MAN1A1: variants seen among roughly 807,000 people sequenced by gnomAD.
MAN1A1 encodes the protein mannosidase alpha class 1A member 1.
A neutral mutation model predicts 70.8 loss-of-function variants in MAN1A1; 29 were observed. That is an observed-to-expected ratio of 0.41 (90% CI 0.31 to 0.56). MAN1A1 has a LOEUF of 0.56. MAN1A1 is among the 20% of genes least tolerant of loss of function. MAN1A1 has a pLI of 0.29. For synonymous variants in MAN1A1, 349 were observed against 330.1 expected (o/e 1.06, Z -0.62); for missense variants, 747 against 841.3 (o/e 0.89, Z 1.39).
chr6:119,298,811 T>C (rs1772301094), intron 4 of MAN1A1, among the ~76,000 whole-genome samples: 1 of 152,008 alleles, frequency 6.6e-6, no homozygotes, highest in Non-Finnish European at 1.5e-5. Context: ...TTAGCCAGGA[T>C]GGTCTTAATC....
At chr6:119,309,083 T>TA (rs1200593643) in intron 2 of MAN1A1, among the ~76,000 whole-genome samples, 3 of 152,172 alleles carry the variant, frequency 2.0e-5, no homozygotes. Context: ...TTCTATGAGT[T>TA]AAAGTTAGAA....
At chr6:119,331,335 G>A (rs2114493132) in intron 2 of MAN1A1, among the ~76,000 whole-genome samples, 1 of 151,906 alleles carries the variant, frequency 6.6e-6, no homozygotes, top group East Asian at 1.9e-4. Flanking sequence ...ACACTTTATA[G>A]AATCTCTTGC....
rs981816617 is a variant in MAN1A1, at chr6:119,330,915, G to GGTAC, written c.603+17544_603+17547dup. On this transcript the variant is annotated intron_variant, in intron 2 of 12. Coordinates refer to ENST00000368468, the MANE Select transcript of MAN1A1 (RefSeq NM_005907.4). ...CATAGTAACTCTAGGCCCCTCCCAG[G>GGTAC]GTACTTGTCACAGGGCCTCCTTACT... Among the ~76,000 whole-genome samples, 8 of 152,132 alleles carry GGTAC rather than the reference G, an allele frequency of 5.3e-5. 1 individual carries two copies. The highest frequency in any genetic ancestry group is 3.3e-4 in the Admixed American group (5 of 15,286).
chr6:119,306,454 A>G (rs1354264829), intron 3 of MAN1A1, among the ~76,000 whole-genome samples: 1 of 152,204 alleles, frequency 6.6e-6, no homozygotes, highest in Admixed American at 6.6e-5. Context: ...CAAACAGGAG[A>G]AACCTATAGC....
intron 2 of MAN1A1, among the ~76,000 whole-genome samples, chr6:119,313,007 C>T (rs1772752937): frequency 6.6e-6 from 1 of 152,144 alleles, no homozygotes; most frequent in South Asian, 2.1e-4. Context: ...TCCACTCACG[C>T]CACCTCCTCA....
At chr6:119,248,552 T>C (rs1434582452) in intron 5 of MAN1A1, among the ~76,000 whole-genome samples, 198 bp from the exon 6 acceptor site, 3 of 152,230 alleles carry the variant, frequency 2.0e-5, no homozygotes, top group Non-Finnish European at 2.9e-5. Flanking sequence ...CTGGGGGATA[T>C]TTATTCCCAA....
chr6:119,266,872 G>T (rs1039686863), intron 5 of MAN1A1, among the ~76,000 whole-genome samples: 8 of 152,076 alleles, frequency 5.3e-5, no homozygotes, highest in African/African-American at 1.9e-4. Flanking sequence ...ATTATACAAA[G>T]AACTCTTCAA....
chr6:119,246,101 T>C (rs965747694), intron 6 of MAN1A1, among the ~76,000 whole-genome samples: 2 of 152,214 alleles, frequency 1.3e-5, no homozygotes, highest in Non-Finnish European at 2.9e-5. Flanking sequence ...ATAGTATATT[T>C]TGAATTCCAA....
chr6:119,343,393 T>G (rs192623746), intron 2 of MAN1A1, among the ~76,000 whole-genome samples: 3 of 152,298 alleles, frequency 2.0e-5, no homozygotes, highest in Admixed American at 2.0e-4. Context: ...CTTTGTGTCT[T>G]GGTTGCCTCT....
intron 6 of MAN1A1, among the ~76,000 whole-genome samples, chr6:119,236,428 C>T (rs879901973): frequency 1.3e-5 from 2 of 152,216 alleles, no homozygotes; most frequent in East Asian, 1.9e-4. Context: ...TAATTTTGAG[C>T]TGGGTGTGGT....
Position 119,193,912 on chromosome 6 carries a change from A to T in MAN1A1, c.1211-20T>A. ...CATGATCTGGAAAGAGAGGGAAATG[A>T]ATTTTAGAGTGATTCAGCTTTTAAT... On this transcript the variant is annotated intron_variant, in intron 8 of 12. Transcript: ENST00000368468. 7 of 1,482,752 alleles carry T rather than the reference A, an allele frequency of 4.7e-6. No homozygotes were observed. Among genetic ancestry groups the T allele is most frequent in the Non-Finnish European group, 6.6e-6 (7 of 1,063,424 alleles). The allele number at this position is 1,482,752 out of a possible 1,614,324, so 91.8% of individuals were successfully genotyped here. A position where few individuals can be genotyped will look rare whatever the true frequency, so the allele number is the denominator to read the frequency against.
At chr6:119,268,006 C>A (rs56926474) in intron 5 of MAN1A1, among the ~76,000 whole-genome samples, 8,113 of 152,146 alleles carry the variant, frequency 0.053, 294 homozygotes, top group African/African-American at 0.096. Context: ...AGACTTGATG[C>A]CTTTGGCAAG....
intron 5 of MAN1A1, among the ~76,000 whole-genome samples, chr6:119,250,301 G>C (rs1446681328): frequency 6.6e-6 from 1 of 152,184 alleles, no homozygotes; most frequent in Admixed American, 6.5e-5. Flanking sequence ...CACCAAGTTG[G>C]ATATAACCAT....
chr6:119,350,473 C>A, upstream of MAN1A1: 1 of 969,174 alleles, frequency 1.0e-6, no homozygotes, highest in African/African-American at 1.8e-5. Flanking sequence ...AAACAAAAAA[C>A]CGAAAAAACT....
At chr6:119,236,921 G>C (rs375116446) in intron 6 of MAN1A1, among the ~76,000 whole-genome samples, 13 of 152,220 alleles carry the variant, frequency 8.5e-5, no homozygotes, top group African/African-American at 2.9e-4. Flanking sequence ...ACATTAACAG[G>C]AGTTTGGAAG....
At chr6:119,290,580 T>G in intron 5 of MAN1A1, 103 bp downstream of exon 5, 1 of 740,830 alleles carries the variant, frequency 1.3e-6, no homozygotes, top group Non-Finnish European at 2.2e-6. Flanking sequence ...ATATAAAAAT[T>G]CCATAGATTC....
At position 119,349,609 on chromosome 6, in the gene MAN1A1, T is replaced by G. The variant is rs1773846063; in HGVS notation, c.-290A>C. ...CTTCGCCCGCTCCCCATCTCCGCGC[T>G]GAGACTGCTGCCTCTTTCCTAGGCT... On this transcript the variant is annotated 5_prime_UTR_variant, in exon 1 of 13. Transcript: ENST00000368468. The G allele has an allele frequency of 1.0e-6, 1 of 985,786 alleles. No individual in the cohort carries two copies. Among genetic ancestry groups the G allele is most frequent in the African/African-American group, 1.7e-5 (1 of 57,218 alleles). 61.1% of individuals were successfully genotyped at this position (985,786 alleles called of 1,614,324 possible). A position where few individuals can be genotyped will look rare whatever the true frequency, so the allele number is the denominator to read the frequency against.
At chr6:119,266,511 G>A (rs1775757993) in intron 5 of MAN1A1, among the ~76,000 whole-genome samples, 1 of 150,108 alleles carries the variant, frequency 6.7e-6, no homozygotes, top group Admixed American at 6.7e-5. Context: ...AAATGGTGCT[G>A]GAAAAACTAG....
intron 2 of MAN1A1, among the ~76,000 whole-genome samples, chr6:119,319,386 T>TC (rs1562240872): frequency 0.014 from 2,025 of 149,664 alleles, 49 homozygotes; most frequent in African/African-American, 0.045. Context: ...ATAATAATAA[T>TC]AATAATCATC....
Sources: gnomAD v4.1 joint callset for allele counts (sites outside exome capture counted in the v4.1 genomes callset) on GRCh38, gnomAD v4.1.1 for gene constraint, MANE v1.5 for transcripts, NCBI Gene and HGNC (gene_info 2026-07-23, HGNC 2026-07-21) for gene names.